PPARG: variants seen among roughly 807,000 people sequenced by gnomAD.
The protein encoded by PPARG is peroxisome proliferator activated receptor gamma, also known as peroxisome proliferator-activated receptor gamma.
Under a neutral mutation model 39.2 loss-of-function variants are expected in PPARG, and 17 were observed. That is an observed-to-expected ratio of 0.43 (90% CI 0.30 to 0.65). The LOEUF (loss-of-function observed/expected upper bound fraction) is 0.65, where lower values mean the gene tolerates loss of function less well. Ranked by LOEUF, PPARG falls within the 30% of genes least tolerant of loss-of-function variation. The probability of loss-of-function intolerance (pLI) is 0.13; values close to 1 mark genes in which losing one functional copy is unlikely to be tolerated. For synonymous variants in PPARG, 223 were observed against 215.7 expected (o/e 1.03, Z -0.30); for missense variants, 406 against 585.9 (o/e 0.69, Z 3.17).
chr3:12,412,989 A>G (rs1292513411), intron 6 of PPARG, among the ~76,000 whole-genome samples: 3 of 152,194 alleles, frequency 2.0e-5, no homozygotes, highest in Non-Finnish European at 4.4e-5. Context: ...TATAATGGCA[A>G]TCTTTGGATG....
In PPARG at chr3:12,371,139, T is replaced by C. The variant is rs182179002; in HGVS notation, c.-8-8565T>C. On this transcript the variant is annotated intron_variant, in intron 2 of 7. Coordinates refer to ENST00000651735, the MANE Select transcript of PPARG (RefSeq NM_138711.6). ...TGAGAACTTATTAAGTATCCAGCCC[T>C]ATGGTAAGTGCTCTACATACATTAT... Among the ~76,000 whole-genome samples the C allele has an allele frequency of 6.0e-3, 912 of 152,284 alleles. 5 individuals are homozygous for C. Among genetic ancestry groups the C allele is most frequent in the African/African-American group, 0.019 (803 of 41,554 alleles).
rs113402980 is a variant in PPARG at position 12,397,556 on chromosome 3, G to A, written c.529+4804G>A. ...CTCCTGAGTAGCTGGGACTACAGGC[G>A]CCTGCCACCATGCCCGGCTAATTTT... On this transcript the variant is annotated intron_variant, in intron 5 of 7. Transcript: ENST00000651735. Among the ~76,000 whole-genome samples, 459 of 151,496 alleles carry A rather than the reference G, an allele frequency of 3.0e-3. 1 individual carries two copies. The highest frequency in any genetic ancestry group is 0.01 in the African/African-American group (426 of 41,326).
At chr3:12,321,646 A>G (rs1037792304) in intron 2 of PPARG, among the ~76,000 whole-genome samples, 24 of 152,176 alleles carry the variant, frequency 1.6e-4, no homozygotes, top group Middle Eastern at 3.4e-3. Flanking sequence ...GTTATATTTC[A>G]TCCCCTTTCA....
In PPARG at chr3:12,359,674, C is replaced by CTTTTTTTT. The variant is rs71628752; in HGVS notation, c.-8-20019_-8-20012dup. ...ACTTTTCCTACTTACTCTTTTATTT[C>CTTTTTTTT]TTTTTTTTTTTTTTTTTTGAGACAG... is the stretch of plus-strand genomic sequence containing the variant. On this transcript the variant is annotated intron_variant, in intron 2 of 7. Transcript: ENST00000651735. Among the ~76,000 whole-genome samples the CTTTTTTTT allele has an allele frequency of 1.5e-3, 197 of 129,802 alleles. 4 individuals carry two copies. The highest frequency in any genetic ancestry group is 3.6e-3 in the African/African-American group (124 of 34,622). The allele number at this position is 129,802 out of a possible 152,430, so 85.2% of individuals were successfully genotyped here.
intron 2 of PPARG, among the ~76,000 whole-genome samples, chr3:12,365,379 T>C (rs1237576018): frequency 6.6e-6 from 1 of 152,212 alleles, no homozygotes; most frequent in Admixed American, 6.5e-5. Context: ...ACTTTTTTTA[T>C]TTTAATGAAG....
At chr3:12,397,371 A>G (rs901283392) in intron 5 of PPARG, among the ~76,000 whole-genome samples, 11 of 138,880 alleles carry the variant, frequency 7.9e-5, no homozygotes, top group Non-Finnish European at 9.2e-5. Flanking sequence ...ACTTTAACCT[A>G]TTCCTTTTTA....
intron 2 of PPARG, among the ~76,000 whole-genome samples, chr3:12,323,571 G>A (rs1298587407): frequency 1.3e-5 from 2 of 152,276 alleles, no homozygotes; most frequent in South Asian, 2.1e-4. Context: ...TGTAAAGTAT[G>A]AATTATCATT....
intron 2 of PPARG, among the ~76,000 whole-genome samples, chr3:12,347,255 C>A (rs1327304408): frequency 6.6e-6 from 1 of 151,568 alleles, no homozygotes; most frequent in Non-Finnish European, 1.5e-5. Flanking sequence ...GAGGCTGAGG[C>A]AGGGGGGTCA....
At position 12,426,818 on chromosome 3, in the gene PPARG, A is replaced by C. The variant is rs1051282308; in HGVS notation, c.1181-7080A>C. ...ATTACCGCTACAGCTCCAATTGTTA[A>C]AGTGAGGAAACTGAAGTATAGAAAG... On this transcript the variant is annotated intron_variant, in intron 7 of 7. Transcript: ENST00000651735. Among the ~76,000 whole-genome samples the C allele has an allele frequency of 1.2e-4, 18 of 152,234 alleles. 1 individual carries two copies. The highest frequency in any genetic ancestry group is 2.4e-4 in the Non-Finnish European group (16 of 68,036).
chr3:12,427,904 T>TG (rs1553652770), intron 7 of PPARG, among the ~76,000 whole-genome samples: 2 of 152,308 alleles, frequency 1.3e-5, no homozygotes, highest in African/African-American at 4.8e-5. Context: ...ATCACATTTG[T>TG]TTTGTTTGTT....
intron 1 of PPARG, among the ~76,000 whole-genome samples, chr3:12,293,446 G>A (rs2046699274): frequency 6.6e-6 from 1 of 152,160 alleles, no homozygotes; most frequent in Admixed American, 6.5e-5. Flanking sequence ...GAAGAGTTCA[G>A]ATTAGCAAAA....
chr3:12,317,888 GCT>G (rs1245109405), intron 2 of PPARG, among the ~76,000 whole-genome samples: 1 of 152,122 alleles, frequency 6.6e-6, no homozygotes, highest in Non-Finnish European at 1.5e-5. Flanking sequence ...TTTACTTAAG[GCT>G]TTGGGTGTAT....
intron 2 of PPARG, among the ~76,000 whole-genome samples, chr3:12,335,485 C>A (rs1345003319): frequency 6.6e-6 from 1 of 152,084 alleles, no homozygotes; most frequent in African/African-American, 2.4e-5. Flanking sequence ...TGGTGAATGT[C>A]TGTCACCTCT....
At chr3:12,299,729 ATTAT>A (rs1243171677) in intron 1 of PPARG, among the ~76,000 whole-genome samples, 1 of 152,182 alleles carries the variant, frequency 6.6e-6, no homozygotes, top group African/African-American at 2.4e-5. Flanking sequence ...ATTTAAAAAA[ATTAT>A]TTAACCCTAA....
intron 1 of PPARG, among the ~76,000 whole-genome samples, chr3:12,298,272 C>A (rs1478117588): frequency 1.6e-5 from 2 of 123,712 alleles, no homozygotes; most frequent in Non-Finnish European, 3.1e-5. Flanking sequence ...GCACTCCAGC[C>A]TGGGCGACAG....
chr3:12,293,510 T>A (rs1412359477), intron 1 of PPARG, among the ~76,000 whole-genome samples: 4 of 152,154 alleles, frequency 2.6e-5, no homozygotes, highest in African/African-American at 9.7e-5. Flanking sequence ...AAGGTAGATA[T>A]GAGGGAGGTA....
intron 4 of PPARG, among the ~76,000 whole-genome samples, chr3:12,383,759 C>T (rs370736084): frequency 6.6e-6 from 1 of 151,910 alleles, no homozygotes; most frequent in Non-Finnish European, 1.5e-5. Context: ...AATGGAAAGA[C>T]AAGAACATTG....
intron 1 of PPARG, among the ~76,000 whole-genome samples, chr3:12,310,762 C>T (rs1268234469): frequency 1.3e-5 from 1 of 74,910 alleles, no homozygotes; most frequent in African/African-American, 4.7e-5. Context: ...CGTGCCCGGC[C>T]GAGCCCTTTT....
intron 6 of PPARG, among the ~76,000 whole-genome samples, chr3:12,409,389 G>C (rs1451470980): frequency 6.7e-6 from 1 of 150,076 alleles, no homozygotes; most frequent in East Asian, 2.0e-4. Context: ...CTAGTGGAAA[G>C]AAACAGTTCA....
Sources: gnomAD v4.1 joint callset for allele counts (sites outside exome capture counted in the v4.1 genomes callset) on GRCh38, gnomAD v4.1.1 for gene constraint, MANE v1.5 for transcripts, NCBI Gene and HGNC (gene_info 2026-07-23, HGNC 2026-07-21) for gene names.